CCDC149: variants seen among roughly 807,000 people sequenced by gnomAD.
CCDC149 encodes coiled-coil domain containing 149.
CCDC149 carries 45 observed loss-of-function variants against 59.9 expected under a neutral mutation model. The observed-to-expected ratio is 0.75, with a 90% CI of 0.59 to 0.96. CCDC149 has a LOEUF of 0.96. CCDC149 is among the 40% of genes least tolerant of loss of function. The probability of loss-of-function intolerance (pLI) is 0.00; values close to 1 mark genes in which losing one functional copy is unlikely to be tolerated. For synonymous variants in CCDC149, 245 were observed against 260.6 expected (o/e 0.94, Z 0.58); for missense variants, 584 against 664.7 (o/e 0.88, Z 1.33).
chr4:24,923,104 G>A (rs1254296337), intron 1 of CCDC149, among the ~76,000 whole-genome samples: 1 of 152,126 alleles, frequency 6.6e-6, no homozygotes, highest in Non-Finnish European at 1.5e-5. Context: ...ATGGTCTATA[G>A]GGAACAAGCT....
intron 9 of CCDC149, chr4:24,823,114 C>T (rs1224980282): frequency 6.6e-6 from 1 of 152,184 alleles, no homozygotes; most frequent in Non-Finnish European, 1.5e-5. Flanking sequence ...ATGCCTGATA[C>T]ATGGGAAGTA....
chr4:24,856,718 C>G (rs1718034137), intron 3 of CCDC149, among the ~76,000 whole-genome samples: 1 of 152,212 alleles, frequency 6.6e-6, no homozygotes, highest in Admixed American at 6.5e-5. Context: ...TTTCCTGGTT[C>G]CCCCTCTCCA....
At chr4:24,825,961 T>C (rs1413712314) in intron 9 of CCDC149, among the ~76,000 whole-genome samples, 1 of 151,686 alleles carries the variant, frequency 6.6e-6, no homozygotes, top group African/African-American at 2.4e-5. Context: ...TGTTGTTTTG[T>C]TTTGTTTTTT....
chr4:24,882,860 T>C (rs1302110543), intron 1 of CCDC149, among the ~76,000 whole-genome samples: 1 of 152,228 alleles, frequency 6.6e-6, no homozygotes. Context: ...GTCTCGATGA[T>C]GAATGTGTGA....
rs149163020 is a variant in CCDC149 at position 24,966,872 on chromosome 4, G to A, written c.-65+13197C>T. On this transcript the variant is annotated intron_variant, in intron 1 of 12. Coordinates refer to the CCDC149 transcript ENST00000389609. ...GCCTAGCTTTGGGGAAACACTGGGC[G>A]ACTGGAGGCCACATGTGGAATTAGC... is the stretch of plus-strand genomic sequence containing the variant. Among the ~76,000 whole-genome samples the A allele has an allele frequency of 3.7e-3, 567 of 152,268 alleles. 6 individuals carry two copies. The highest frequency in any genetic ancestry group is 0.013 in the African/African-American group (526 of 41,554).
At chr4:24,859,595 A>G (rs1424225751) in intron 3 of CCDC149, among the ~76,000 whole-genome samples, 1 of 152,232 alleles carries the variant, frequency 6.6e-6, no homozygotes, top group African/African-American at 2.4e-5. Flanking sequence ...AGTCCTAGCA[A>G]GAGCAATCAG....
chr4:24,964,673 T>G (rs891479405), intron 1 of CCDC149, among the ~76,000 whole-genome samples: 1 of 152,180 alleles, frequency 6.6e-6, no homozygotes, highest in African/African-American at 2.4e-5. Context: ...TTTGAAATAC[T>G]AATGGCTGAA....
chr4:24,962,757 T>C (rs1315131140), intron 1 of CCDC149, among the ~76,000 whole-genome samples: 1 of 151,772 alleles, frequency 6.6e-6, no homozygotes, highest in East Asian at 1.9e-4. Context: ...GGGGGAGGGA[T>C]AGCATTAGGA....
chr4:24,841,395 A>C (rs1671133778), intron 4 of CCDC149, among the ~76,000 whole-genome samples: 1 of 152,250 alleles, frequency 6.6e-6, no homozygotes, highest in Admixed American at 6.5e-5. Context: ...ACAGCCATAT[A>C]AGAGTCATCT....
At position 24,807,076 on chromosome 4, in the gene CCDC149, G is replaced by T. The variant is rs979224495; in HGVS notation, c.*1313C>A. The T allele has an allele frequency of 6.6e-6, 1 of 152,184 alleles. No individual in the cohort carries two copies. The highest frequency in any genetic ancestry group is 1.5e-5 in the Non-Finnish European group (1 of 68,044). The allele number at this position is 152,184 out of a possible 1,614,324, so 9.4% of individuals were successfully genotyped here. ...TCACTGAGAGGCTACCACTCTGGGA[G>T]CCTCTCTTTTTCCTGCAAGGAGCGC... is the stretch of plus-strand genomic sequence containing the variant. On this transcript the variant is annotated 3_prime_UTR_variant, in exon 13 of 13. Transcript: ENST00000635206.
intron 12 of CCDC149, among the ~76,000 whole-genome samples, chr4:24,819,216 G>A (rs1305740105): frequency 6.6e-6 from 1 of 152,216 alleles, no homozygotes; most frequent in East Asian, 1.9e-4. Context: ...TCATGTCACT[G>A]TTTTAAAGGA....
intron 1 of CCDC149, among the ~76,000 whole-genome samples, chr4:24,956,768 C>A (rs980516024): frequency 1.3e-5 from 2 of 152,334 alleles, no homozygotes; most frequent in Admixed American, 6.5e-5. Context: ...TATTTTGAAT[C>A]GCCTACCACT....
chr4:24,878,061 T>C (rs968625841), intron 1 of CCDC149, among the ~76,000 whole-genome samples: 1 of 152,164 alleles, frequency 6.6e-6, no homozygotes, highest in African/African-American at 2.4e-5. Context: ...AGAGCGAGAA[T>C]CAGCACTCCC....
chr4:24,950,212 G>A (rs1417049871), intron 1 of CCDC149, among the ~76,000 whole-genome samples: 1 of 152,226 alleles, frequency 6.6e-6, no homozygotes, highest in Admixed American at 6.5e-5. Flanking sequence ...AAGGCTGTGA[G>A]CATGAACTCT....
At chr4:24,891,745 T>A (rs1276041294) in intron 1 of CCDC149, among the ~76,000 whole-genome samples, 1 of 152,206 alleles carries the variant, frequency 6.6e-6, no homozygotes, top group Non-Finnish European at 1.5e-5. Flanking sequence ...ATGCCTGTAA[T>A]CCCAGCACTT....
At chr4:24,898,682 T>G (rs957127673) in intron 1 of CCDC149, among the ~76,000 whole-genome samples, 1 of 152,126 alleles carries the variant, frequency 6.6e-6, no homozygotes, top group Non-Finnish European at 1.5e-5. Flanking sequence ...AGGACCCCCA[T>G]CCTCAGGAAC....
intron 1 of CCDC149, among the ~76,000 whole-genome samples, chr4:24,976,872 GA>G (rs1183959142): frequency 6.6e-6 from 1 of 152,164 alleles, no homozygotes. Context: ...CGATTGTGGA[GA>G]ACATCTGGCC....
chr4:24,849,327 T>C (rs1717510627), intron 4 of CCDC149, among the ~76,000 whole-genome samples: 1 of 152,212 alleles, frequency 6.6e-6, no homozygotes, highest in African/African-American at 2.4e-5. Flanking sequence ...CTAACCTTGT[T>C]AATCTTTAAG....
chr4:24,896,530 A>T (rs1051131973), intron 1 of CCDC149, among the ~76,000 whole-genome samples: 1 of 152,236 alleles, frequency 6.6e-6, no homozygotes, highest in African/African-American at 2.4e-5. Flanking sequence ...GTATGTTCAG[A>T]CACGCTATAA....
Sources: allele counts gnomAD v4.1 joint callset (sites outside exome capture counted in the v4.1 genomes callset), GRCh38; gene constraint gnomAD v4.1.1; transcripts MANE v1.5; gene names NCBI Gene and HGNC (gene_info 2026-07-23, HGNC 2026-07-21).